Variants in SYNJ2 observed in about 807,000 individuals in gnomAD.
SYNJ2 encodes synaptojanin 2, also known as polyphosphatidylinositol phosphatase SYNJ2.
In SYNJ2, 116 loss-of-function variants were observed where a neutral mutation model predicts 141.3. That is an observed-to-expected ratio of 0.82 (90% confidence interval 0.71 to 0.96). SYNJ2 has a LOEUF of 0.96. Ranked by LOEUF, SYNJ2 falls within the 40% of genes least tolerant of loss-of-function variation. The pLI is 0.00. For missense variants in SYNJ2, 1,873 were observed against 1,934.8 expected, an observed-to-expected ratio of 0.97 and a Z score of 0.60; for synonymous variants, 745 against 777.7, an observed-to-expected ratio of 0.96 and a Z score of 0.70.
At chr6:158,017,054 C>T (rs1226681366) in intron 1 of SYNJ2, 150 bp from the exon 2 acceptor site, 3 of 1,354,638 alleles carry the variant, frequency 2.2e-6, no homozygotes, top group Non-Finnish European at 2.9e-6. Context: ...AATCATAAAA[C>T]CTCCACACTT....
intron 1 of SYNJ2, among the ~76,000 whole-genome samples, chr6:158,014,067 C>G (rs1778364332): frequency 6.6e-6 from 1 of 152,194 alleles, no homozygotes; most frequent in Admixed American, 6.5e-5. Flanking sequence ...AACCATCTTT[C>G]AAATACCCAT....
chr6:158,062,170 G>A lies in SYNJ2; in HGVS notation c.1127+6G>A. On this transcript the variant is annotated splice_donor_region_variant and intron_variant, in intron 8 of 26. Coordinates refer to ENST00000355585, the MANE Select transcript of SYNJ2 (RefSeq NM_003898.4). ...GGGGAGAACGTCAGTCCACGGTGAGGCTCGCTGCGCACTGTGCCGCGTCTT... is the reference window on the plus strand; with the variant it reads ...GGGGAGAACGTCAGTCCACGGTGAGACTCGCTGCGCACTGTGCCGCGTCTT... The A allele has an allele frequency of 1.9e-6, 3 of 1,612,012 alleles. No individual in the cohort carries two copies. The highest frequency in any genetic ancestry group is 2.2e-5 in the East Asian group (1 of 44,830).
At chr6:158,017,390 T>G in intron 2 of SYNJ2, 100 bp downstream of exon 2, 4 of 947,054 alleles carry the variant, frequency 4.2e-6, no homozygotes, top group Non-Finnish European at 5.9e-6. Context: ...GTTTGACCGC[T>G]CTTCTCTCTC....
At chr6:157,989,910 G>C (rs1364421202) in intron 1 of SYNJ2, among the ~76,000 whole-genome samples, 2 of 152,046 alleles carry the variant, frequency 1.3e-5, no homozygotes, top group Non-Finnish European at 2.9e-5. Context: ...GGCTTTTCTG[G>C]GGGGGGCTAG....
chr6:158,076,440 T>G (rs1425676365), intron 16 of SYNJ2, among the ~76,000 whole-genome samples, 186 bp from the exon 17 acceptor site: 1 of 152,198 alleles, frequency 6.6e-6, no homozygotes, highest in African/African-American at 2.4e-5. Context: ...CTCAGTGGGA[T>G]GAGCTGAGGA....
At chr6:158,091,294 T>G (rs1004448922) in intron 25 of SYNJ2, among the ~76,000 whole-genome samples, 2 of 151,666 alleles carry the variant, frequency 1.3e-5, no homozygotes, top group African/African-American at 2.4e-5. Flanking sequence ...CCAGCCTGGG[T>G]GACAGAGCAA....
At chr6:158,056,499 T>C (rs995158244) in intron 6 of SYNJ2, among the ~76,000 whole-genome samples, 2 of 152,208 alleles carry the variant, frequency 1.3e-5, no homozygotes, top group African/African-American at 4.8e-5. Context: ...GCAGGAGCCC[T>C]CCCGTTCCCT....
chr6:158,066,735 T>C, intron 12 of SYNJ2, 100 bp downstream of exon 12: 1 of 1,387,680 alleles, frequency 7.2e-7, no homozygotes, highest in South Asian at 1.2e-5. Flanking sequence ...AATTTCATCT[T>C]TGGTGTCTTC....
At position 158,014,957 on chromosome 6, in the gene SYNJ2, C is replaced by T. The variant is rs375890066; in HGVS notation, c.128-2247C>T. Among the ~76,000 whole-genome samples the T allele has an allele frequency of 9.2e-5, 14 of 152,268 alleles. No individual in the cohort carries two copies. The East Asian group carries it at 2.3e-3, about 25-fold the overall frequency. ...CTTGTGGTCTGATGAGGACAAGTGC[C>T]TTTGAGGGGGATGGGGATGGTTGAG... On this transcript the variant is annotated intron_variant, in intron 1 of 26. Transcript: ENST00000355585.
chr6:158,088,598 C>A, intron 23 of SYNJ2, 62 bp from the exon 24 acceptor site: 3 of 1,284,676 alleles, frequency 2.3e-6, no homozygotes, highest in South Asian at 1.2e-5. Context: ...GGGCTCCTGG[C>A]AGCTGGCTGG....
At chr6:158,057,553 G>A (rs1464939382) in intron 6 of SYNJ2, among the ~76,000 whole-genome samples, 2 of 152,230 alleles carry the variant, frequency 1.3e-5, no homozygotes, top group South Asian at 2.1e-4. Flanking sequence ...AGCTCAGAAG[G>A]GATGAATCAT....
chr6:158,094,052 G>C (rs773804094), intron 26 of SYNJ2: 2 of 760,814 alleles, frequency 2.6e-6, no homozygotes, highest in Admixed American at 3.4e-5. Flanking sequence ...TCCCTTCCTG[G>C]TCATCACAGC....
chr6:158,051,218 G>A (rs141483894), intron 5 of SYNJ2, among the ~76,000 whole-genome samples: 1 of 152,174 alleles, frequency 6.6e-6, no homozygotes, highest in Admixed American at 6.5e-5. Context: ...CTCCCATGGG[G>A]AATGATCCTA....
intron 23 of SYNJ2, among the ~76,000 whole-genome samples, chr6:158,087,625 A>G (rs1195673775): frequency 1.3e-5 from 2 of 152,178 alleles, no homozygotes; most frequent in Admixed American, 1.3e-4. Context: ...TCAGACTTAG[A>G]TCTTCCTAAG....
chr6:158,046,075 T>C (rs1352623943), intron 5 of SYNJ2, among the ~76,000 whole-genome samples: 2 of 152,202 alleles, frequency 1.3e-5, no homozygotes, highest in African/African-American at 4.8e-5. Context: ...CACAAGTAGC[T>C]GGGGTTACAG....
chr6:158,081,024 G>A, intron 18 of SYNJ2, 85 bp from the exon 19 acceptor site: 4 of 1,277,176 alleles, frequency 3.1e-6, no homozygotes, highest in Non-Finnish European at 4.5e-6. Flanking sequence ...GTGGACATCT[G>A]TCCCAGGCTA....
intron 2 of SYNJ2, among the ~76,000 whole-genome samples, chr6:158,020,402 C>CTGTGTGA (rs1778703796): frequency 6.6e-6 from 1 of 151,394 alleles, no homozygotes; most frequent in Admixed American, 6.6e-5. Context: ...TTGACTTCAA[C>CTGTGTGA]CGTGTGACCC....
At chr6:158,087,512 G>A (rs951927167) in intron 23 of SYNJ2, among the ~76,000 whole-genome samples, 1 of 152,142 alleles carries the variant, frequency 6.6e-6, no homozygotes, top group Non-Finnish European at 1.5e-5. Flanking sequence ...TGCTTTGCCC[G>A]TCCAGCCCTC....
intron 2 of SYNJ2, among the ~76,000 whole-genome samples, chr6:158,023,820 T>C (rs1482212511): frequency 6.6e-6 from 1 of 152,222 alleles, no homozygotes; most frequent in Non-Finnish European, 1.5e-5. Flanking sequence ...AATTGTTTGC[T>C]TCCCCCATAA....
Sources: allele counts gnomAD v4.1 joint callset (sites outside exome capture counted in the v4.1 genomes callset), GRCh38; gene constraint gnomAD v4.1.1; transcripts MANE v1.5; gene names NCBI Gene and HGNC (gene_info 2026-07-23, HGNC 2026-07-21).